The following TP63 variants were observed in gnomAD, a reference collection of about 807,000 sequenced individuals.
TP63 encodes tumor protein 63.
In TP63, 17 loss-of-function variants were observed where a neutral mutation model predicts 82.8. The observed-to-expected ratio is 0.21, with a 90% CI of 0.14 to 0.31. The LOEUF is 0.31. Among genes scored for constraint, TP63 ranks in the 10% least tolerant of loss-of-function variants. The pLI is 1.00. For synonymous variants in TP63, 330 were observed against 321.7 expected, an observed-to-expected ratio of 1.03 and a Z score of -0.28; for missense variants, 648 against 895.3, an observed-to-expected ratio of 0.72 and a Z score of 3.52.
intron 4 of TP63, among the ~76,000 whole-genome samples, chr3:189,840,492 C>G (rs938134164): frequency 8.1e-5 from 12 of 148,520 alleles, no homozygotes; most frequent in African/African-American, 3.0e-4. Flanking sequence ...ATGAGAGAGA[C>G]AGAGAGAGAG....
In TP63 at chr3:189,894,294, C is replaced by A. The variant is rs2108873515; in HGVS notation, c.1835C>A (p.Ser612Tyr). ...LDHRQLHEFSSPSHLLRTPSS... is the reference protein window; with the variant it reads ...LDHRQLHEFSYPSHLLRTPSS... ...CACCGGCAGCTCCACGAATTCTCCT[C>A]CCCTTCTCATCTCCTGCGGACCCCA... is the stretch of plus-strand genomic sequence containing the variant. Residue 612 changes from serine to tyrosine, a missense_variant, in exon 14 of 14, where the codon TCC (serine) becomes TAC (tyrosine). By Grantham distance (144) the Ser-to-Tyr change is moderately radical (BLOSUM62 -2). This residue lies in a region of TP63 where 342 missense variants were observed against 425.7 expected (regional missense o/e 0.80). Transcript: ENST00000264731. The A allele has an allele frequency of 6.2e-7, 1 of 1,614,110 alleles. No homozygotes were observed. The highest frequency in any genetic ancestry group is 8.5e-7 in the Non-Finnish European group (1 of 1,180,020).
intron 3 of TP63, among the ~76,000 whole-genome samples, chr3:189,768,608 T>G (rs1225688821): frequency 1.3e-5 from 2 of 152,188 alleles, no homozygotes; most frequent in Non-Finnish European, 2.9e-5. Flanking sequence ...TTCCTTCTTA[T>G]AAACACTTTT....
At chr3:189,597,784 T>C in the TP63 span, among the ~76,000 whole-genome samples, 12 of 151,988 alleles carry the variant, frequency 7.9e-5, no homozygotes, top group African/African-American at 2.9e-4. Flanking sequence ...AGAAGTTAGC[T>C]GGATGGGGTG....
intron 3 of TP63, among the ~76,000 whole-genome samples, chr3:189,793,455 CTA>C (rs1208542803): frequency 1.3e-5 from 2 of 152,068 alleles, no homozygotes; most frequent in Admixed American, 1.3e-4. Flanking sequence ...TCCTCAATGA[CTA>C]TGGACAGAAT....
intron 3 of TP63, among the ~76,000 whole-genome samples, chr3:189,781,025 G>A (rs551159595): frequency 2.0e-5 from 3 of 152,240 alleles, no homozygotes; most frequent in South Asian, 4.1e-4. Flanking sequence ...TAAGCGTAGA[G>A]AAAATCCGAG....
chr3:189,802,692 C>T (rs1442587190), intron 3 of TP63, among the ~76,000 whole-genome samples: 2 of 152,200 alleles, frequency 1.3e-5, no homozygotes, highest in African/African-American at 4.8e-5. Context: ...TTTTGCATCA[C>T]TAGGATCCAT....
chr3:189,620,296 G>A, the TP63 span, among the ~76,000 whole-genome samples: 3 of 151,898 alleles, frequency 2.0e-5, no homozygotes, highest in African/African-American at 4.8e-5. Flanking sequence ...AGGCCAAGGC[G>A]GGCAGACCAT....
chr3:189,597,851 C>T, the TP63 span, among the ~76,000 whole-genome samples: 25 of 151,768 alleles, frequency 1.6e-4, no homozygotes, highest in South Asian at 4.2e-4. Flanking sequence ...TCACCTAAAC[C>T]CAGGAGGTCA....
At chr3:189,766,126 A>G (rs1722945168) in intron 3 of TP63, among the ~76,000 whole-genome samples, 1 of 152,174 alleles carries the variant, frequency 6.6e-6, no homozygotes, top group Non-Finnish European at 1.5e-5. Context: ...ACTTGAACCC[A>G]GGAATTTGAG....
intron 1 of TP63, among the ~76,000 whole-genome samples, chr3:189,687,467 C>T (rs943576290): frequency 6.6e-6 from 1 of 152,154 alleles, no homozygotes; most frequent in Non-Finnish European, 1.5e-5. Flanking sequence ...GATAACTTTA[C>T]AGCCCTGCCT....
chr3:189,757,766 G>A (rs7431810), intron 3 of TP63, among the ~76,000 whole-genome samples: 9,085 of 152,182 alleles, frequency 0.06, 361 homozygotes, highest in Admixed American at 0.13. Context: ...AATCTCAGAT[G>A]ACCATAAGGT....
intron 3 of TP63, among the ~76,000 whole-genome samples, chr3:189,770,968 A>G (rs560979024): frequency 5.2e-4 from 79 of 152,244 alleles, no homozygotes; most frequent in African/African-American, 1.9e-3. Flanking sequence ...GTCATTTCAC[A>G]TCTTTTATTA....
chr3:189,645,479 A>G (rs1712338246), intron 1 of TP63: 2 of 230,674 alleles, frequency 8.7e-6, no homozygotes, highest in Non-Finnish European at 8.4e-6. Flanking sequence ...ATTTTTTTTT[A>G]TTTTTTATTG....
At chr3:189,815,169 C>G (rs1728039669) in intron 4 of TP63, among the ~76,000 whole-genome samples, 1 of 151,336 alleles carries the variant, frequency 6.6e-6, no homozygotes, top group South Asian at 2.1e-4. Flanking sequence ...TCATCAGCTA[C>G]ATGGTATCTT....
intron 3 of TP63, among the ~76,000 whole-genome samples, chr3:189,794,801 T>C (rs1326503668): frequency 6.6e-6 from 1 of 152,030 alleles, no homozygotes; most frequent in South Asian, 2.1e-4. Flanking sequence ...TGAGATTGCC[T>C]AGAAGTATGA....
Position 189,852,353 on chromosome 3 carries a change from A to G in TP63, c.580-11879A>G, listed in dbSNP as rs539592586. Reference sequence around the variant, plus strand: ...ATTCCATTGGCTAAGCCAGGTTTCAATTGTCTGCTGAATATCAGGAGCTCT... The same window carrying G: ...ATTCCATTGGCTAAGCCAGGTTTCAGTTGTCTGCTGAATATCAGGAGCTCT... On this transcript the variant is annotated intron_variant, in intron 4 of 13. Coordinates refer to ENST00000264731, the MANE Select transcript of TP63 (RefSeq NM_003722.5). 5.3e-5 allele frequency among the ~76,000 whole-genome samples: 8 copies of G among 152,320 alleles called. No homozygotes were observed. The South Asian group carries it at 1.4e-3, about 28-fold the overall frequency.
chr3:189,656,374 G>A (rs924814688), intron 1 of TP63, among the ~76,000 whole-genome samples: 1 of 152,060 alleles, frequency 6.6e-6, no homozygotes, highest in African/African-American at 2.4e-5. Flanking sequence ...CATAAATAGA[G>A]GAGGCAAAAT....
At chr3:189,660,531 C>G (rs1275061710) in intron 1 of TP63, among the ~76,000 whole-genome samples, 7 of 151,916 alleles carry the variant, frequency 4.6e-5, no homozygotes, top group African/African-American at 1.7e-4. Context: ...CTTAGGATTG[C>G]TTTGAATTTT....
chr3:189,893,700 T>C (rs1721245372), intron 13 of TP63, among the ~76,000 whole-genome samples: 1 of 152,188 alleles, frequency 6.6e-6, no homozygotes, highest in South Asian at 2.1e-4. Context: ...TCAGTTGTTC[T>C]ATCTATAAAA....
Sources: gnomAD v4.1 joint callset for allele counts (sites outside exome capture counted in the v4.1 genomes callset) on GRCh38, gnomAD v4.1.1 for gene constraint, gnomAD v4.1.1 regional missense constraint, MANE v1.5 for transcripts, NCBI Gene and HGNC (gene_info 2026-07-23, HGNC 2026-07-21) for gene names.